Variants in SCARA5 observed in about 807,000 individuals in gnomAD.
The protein encoded by SCARA5 is scavenger receptor class A, member 5 (putative).
In SCARA5, 45 loss-of-function variants were observed where a neutral mutation model predicts 46.3. The observed-to-expected ratio is 0.97, with a 90% confidence interval of 0.76 to 1.24. The LOEUF (loss-of-function observed/expected upper bound fraction) is 1.24. Ranked by LOEUF, SCARA5 falls within the 50% of genes most tolerant of loss-of-function variation. The pLI is 0.00. For missense variants in SCARA5, 680 were observed against 689.0 expected, an observed-to-expected ratio of 0.99 and a Z score of 0.15; for synonymous variants, 333 against 306.5, an observed-to-expected ratio of 1.09 and a Z score of -0.90.
At chr8:27,897,853 C>G (rs1179975675) in intron 7 of SCARA5, among the ~76,000 whole-genome samples, 1 of 152,266 alleles carries the variant, frequency 6.6e-6, no homozygotes, top group African/African-American at 2.4e-5. Context: ...TTTCTTCCAA[C>G]TAGCAGTTCT....
intron 7 of SCARA5, among the ~76,000 whole-genome samples, chr8:27,881,523 T>C (rs890022776): frequency 2.2e-5 from 1 of 44,732 alleles, no homozygotes; most frequent in Non-Finnish European, 4.5e-5. Context: ...GAATACAAGA[T>C]GGGGGAGGGG....
intron 8 of SCARA5, 37 bp from the exon 9 acceptor site, chr8:27,872,107 A>G: frequency 6.2e-7 from 1 of 1,611,378 alleles, no homozygotes; most frequent in Non-Finnish European, 8.5e-7. Context: ...AAGCGGATAC[A>G]CAGGAGGGCG....
chr8:27,884,676 CCT>C (rs1160393089), intron 7 of SCARA5, among the ~76,000 whole-genome samples: 3 of 152,212 alleles, frequency 2.0e-5, no homozygotes, highest in Non-Finnish European at 4.4e-5. Context: ...CCTGACTTAG[CCT>C]CTCTGTTCTG....
At chr8:27,963,219 T>C (rs1808317458) in intron 3 of SCARA5, among the ~76,000 whole-genome samples, 1 of 152,166 alleles carries the variant, frequency 6.6e-6, no homozygotes, top group Non-Finnish European at 1.5e-5. Context: ...AAGACTGAGC[T>C]CCCTCTGACC....
At position 27,950,265 on chromosome 8, in the gene SCARA5, G is replaced by A. The variant is rs112241822; in HGVS notation, c.241+16149C>T. Reference sequence around the variant, plus strand: ...AAACCACCTATGTCTGCACTTTGACGCGAGCCAGACCTGGGGGTTGCCAGG... The same window carrying A: ...AAACCACCTATGTCTGCACTTTGACACGAGCCAGACCTGGGGGTTGCCAGG... On this transcript the variant is annotated intron_variant, in intron 3 of 8. Transcript: ENST00000354914. Among the ~76,000 whole-genome samples the A allele has an allele frequency of 2.0e-3, 306 of 152,258 alleles. 3 individuals carry two copies. The highest frequency in any genetic ancestry group is 6.1e-3 in the African/African-American group (255 of 41,546).
At position 27,900,417 on chromosome 8, in the gene SCARA5, C is replaced by T. The variant is rs183789076; in HGVS notation, c.1153+4361G>A. Among the ~76,000 whole-genome samples the T allele has an allele frequency of 5.3e-5, 8 of 152,314 alleles. No homozygotes were observed. The East Asian group carries it at 1.2e-3, about 22-fold the overall frequency. On this transcript the variant is annotated intron_variant, in intron 7 of 8. Coordinates refer to ENST00000354914, the MANE Select transcript of SCARA5 (RefSeq NM_173833.6). ...CCTCTGATTATTTATTCTGAGTTTA[C>T]ACTGCATGCTGGGGTGCCCACAGCT...
intron 2 of SCARA5, among the ~76,000 whole-genome samples, chr8:27,981,301 G>A (rs2129973520): frequency 6.6e-6 from 1 of 152,324 alleles, no homozygotes; most frequent in Non-Finnish European, 1.5e-5. Flanking sequence ...ACACCCAGAA[G>A]GACAGAGCAG....
At chr8:27,921,456 T>G (rs1469944750) in intron 4 of SCARA5, 115 bp downstream of exon 4, 12 of 849,084 alleles carry the variant, frequency 1.4e-5, no homozygotes, top group Non-Finnish European at 1.9e-5. Flanking sequence ...GAATGGCAAG[T>G]GCACTTGGGG....
chr8:27,893,651 C>T (rs577797994), intron 7 of SCARA5, among the ~76,000 whole-genome samples: 1 of 152,236 alleles, frequency 6.6e-6, no homozygotes, highest in East Asian at 1.9e-4. Context: ...GAAGGGAACC[C>T]GACAGCATCT....
chr8:27,936,864 C>A (rs1449884035), intron 3 of SCARA5, among the ~76,000 whole-genome samples: 2 of 152,110 alleles, frequency 1.3e-5, no homozygotes, highest in Non-Finnish European at 2.9e-5. Flanking sequence ...CTACTTTGTG[C>A]CCTGGCCCTA....
chr8:27,952,470 G>T (rs1808143385), intron 3 of SCARA5, among the ~76,000 whole-genome samples: 1 of 152,152 alleles, frequency 6.6e-6, no homozygotes. Flanking sequence ...TGGTCAGGGG[G>T]CTTTCTGCCT....
chr8:27,886,857 G>T (rs1428405337), intron 7 of SCARA5, among the ~76,000 whole-genome samples: 1 of 152,194 alleles, frequency 6.6e-6, no homozygotes, highest in Non-Finnish European at 1.5e-5. Context: ...AGTGGTGACT[G>T]AGAGGCAGCC....
At chr8:27,967,871 C>T (rs1563541212) in intron 2 of SCARA5, among the ~76,000 whole-genome samples, 2 of 152,146 alleles carry the variant, frequency 1.3e-5, no homozygotes, top group Non-Finnish European at 2.9e-5. Context: ...TGAGATCACG[C>T]CACTGCACTC....
chr8:27,943,965 G>A (rs1304749166), intron 3 of SCARA5, among the ~76,000 whole-genome samples: 2 of 152,190 alleles, frequency 1.3e-5, no homozygotes, highest in African/African-American at 2.4e-5. Context: ...ACCATTACCA[G>A]TACAGGAACA....
intron 3 of SCARA5, among the ~76,000 whole-genome samples, chr8:27,945,758 A>T (rs1808026883): frequency 6.6e-6 from 1 of 152,244 alleles, no homozygotes; most frequent in South Asian, 2.1e-4. Flanking sequence ...CTCACATAGT[A>T]ACCAGGCAAA....
intron 3 of SCARA5, among the ~76,000 whole-genome samples, chr8:27,943,852 A>G (rs1175698289): frequency 6.6e-6 from 1 of 152,226 alleles, no homozygotes; most frequent in Non-Finnish European, 1.5e-5. Context: ...CAGTGTATTT[A>G]CACAGCCTCA....
chr8:27,957,559 G>A (rs142643066), intron 3 of SCARA5, among the ~76,000 whole-genome samples: 97 of 152,264 alleles, frequency 6.4e-4, no homozygotes, highest in African/African-American at 2.2e-3. Context: ...GTCTGACTCC[G>A]GTGCCATGCA....
chr8:27,888,149 C>T (rs192004241), intron 7 of SCARA5, among the ~76,000 whole-genome samples: 129 of 152,288 alleles, frequency 8.5e-4, no homozygotes, highest in Admixed American at 2.7e-3. Flanking sequence ...CTCTGTCCCC[C>T]AGGCTCAAGC....
At chr8:27,960,063 A>G (rs1187389443) in intron 3 of SCARA5, among the ~76,000 whole-genome samples, 1 of 152,224 alleles carries the variant, frequency 6.6e-6, no homozygotes, top group Non-Finnish European at 1.5e-5. Flanking sequence ...AGTTCTGTTT[A>G]TAGACAAAGT....
Sources: allele counts gnomAD v4.1 joint callset (sites outside exome capture counted in the v4.1 genomes callset), GRCh38; gene constraint gnomAD v4.1.1; transcripts MANE v1.5; gene names NCBI Gene and HGNC (gene_info 2026-07-23, HGNC 2026-07-21).